SNX27: variants seen among roughly 807,000 people sequenced by gnomAD.
SNX27 encodes the protein sorting nexin 27.
Under a neutral mutation model 71.6 loss-of-function variants are expected in SNX27, and 22 were observed. That is an observed-to-expected ratio of 0.31 (90% CI 0.22 to 0.44). The LOEUF is 0.44. Among genes scored for constraint, SNX27 ranks in the 20% least tolerant of loss-of-function variants. The pLI, the probability that SNX27 is intolerant of heterozygous loss-of-function variation, is 1.00. For synonymous variants in SNX27, 269 were observed against 277.2 expected, an observed-to-expected ratio of 0.97 and a Z score of 0.29; for missense variants, 531 against 698.6, an observed-to-expected ratio of 0.76 and a Z score of 2.70.
rs530533192 is a variant in SNX27 at position 151,698,134 on chromosome 1, A to G, written c.*3717A>G. 3 of 152,466 alleles carry G rather than the reference A, an allele frequency of 2.0e-5. No individual in the cohort carries two copies. Among genetic ancestry groups the G allele is most frequent in the Non-Finnish European group, 4.4e-5 (3 of 68,056 alleles). The allele number at this position is 152,466 out of a possible 1,614,324, so 9.4% of individuals were successfully genotyped here. On this transcript the variant is annotated 3_prime_UTR_variant, in exon 12 of 12. Transcript: ENST00000458013. ...GCTCTCAGGGGGGAATTAGATAAATATTCCAACATCCTCATGCCTGGCCCA... is the reference window on the plus strand; with the variant it reads ...GCTCTCAGGGGGGAATTAGATAAATGTTCCAACATCCTCATGCCTGGCCCA...
At chr1:151,621,353 GAATA>G (rs1667666385) in intron 1 of SNX27, among the ~76,000 whole-genome samples, 1 of 152,190 alleles carries the variant, frequency 6.6e-6, no homozygotes. Context: ...TTGAGTTGCT[GAATA>G]AGGAGTTGTA....
In SNX27 at chr1:151,695,537, AC is replaced by A. The variant is rs1270844551; in HGVS notation, c.*1123del. 6.9e-6 allele frequency: 1 copy of A among 144,516 alleles called. No homozygotes were observed. Among genetic ancestry groups the A allele is most frequent in the African/African-American group, 2.6e-5 (1 of 38,408 alleles). 9.0% of individuals were successfully genotyped at this position (144,516 alleles called of 1,614,324 possible). A position where few individuals can be genotyped will look rare whatever the true frequency, so the allele number is the denominator to read the frequency against. ...TGGGCTCAGGTGATCCTTCCGCCTC[AC>A]CCTCCTGAGTAGCTGGGACTACAGG... On this transcript the variant is annotated 3_prime_UTR_variant, in exon 12 of 12. Coordinates refer to ENST00000458013, the MANE Select transcript of SNX27 (RefSeq NM_001330723.2).
At chr1:151,651,289 CT>C (rs1325899937) in intron 2 of SNX27, among the ~76,000 whole-genome samples, 2 of 151,172 alleles carry the variant, frequency 1.3e-5, no homozygotes, top group African/African-American at 4.9e-5. Context: ...GCTGACCCCC[CT>C]ACCTCCCTCC....
intron 1 of SNX27, among the ~76,000 whole-genome samples, chr1:151,618,669 C>T (rs1201928822): frequency 2.6e-5 from 4 of 152,108 alleles, no homozygotes; most frequent in Non-Finnish European, 4.4e-5. Context: ...TGTAGATAAG[C>T]AAAGAGACTT....
Position 151,625,277 on chromosome 1 carries a change from C to T in SNX27, c.311+12765C>T, listed in dbSNP as rs185585279. Among the ~76,000 whole-genome samples the T allele has an allele frequency of 8.4e-4, 127 of 150,300 alleles. 2 individuals are homozygous for T. The East Asian group carries it at 0.015, about 17-fold the overall frequency. On this transcript the variant is annotated intron_variant, in intron 1 of 11. Transcript: ENST00000458013. ...ATCCCAGTACTTTGGGAGGCCGAAG[C>T]GGCAGATCACTTGAGGTCAGGGGTT...
chr1:151,684,000 G>T (rs1671080878), intron 8 of SNX27, among the ~76,000 whole-genome samples: 1 of 151,908 alleles, frequency 6.6e-6, no homozygotes, highest in African/African-American at 2.4e-5. Flanking sequence ...CTATTTTTTG[G>T]TTAAAAAGTG....
chr1:151,673,181 T>C (rs182250963), intron 7 of SNX27, among the ~76,000 whole-genome samples: 202 of 152,232 alleles, frequency 1.3e-3, no homozygotes, highest in African/African-American at 4.8e-3. Context: ...ATCATTTATT[T>C]CAATAAATTT....
intron 1 of SNX27, among the ~76,000 whole-genome samples, chr1:151,626,277 TG>T (rs1232556382): frequency 0.02 from 2,980 of 150,908 alleles, 102 homozygotes; most frequent in African/African-American, 0.069. Context: ...TTTTTTTTTT[TG>T]TTTTTCCCTA....
Position 151,697,379 on chromosome 1 carries a change from A to T in SNX27, c.*2962A>T, listed in dbSNP as rs995176689. On this transcript the variant is annotated 3_prime_UTR_variant, in exon 12 of 12. Coordinates refer to ENST00000458013, the MANE Select transcript of SNX27 (RefSeq NM_001330723.2). ...AGACATAGGGATTTGGAGGCCCCTT[A>T]GAATGGGTAGATGGTGTTATGTTCC... 1 of 152,400 alleles carries T rather than the reference A, an allele frequency of 6.6e-6. No individual in the cohort carries two copies. The highest frequency in any genetic ancestry group is 2.4e-5 in the African/African-American group (1 of 41,454). 9.4% of individuals were successfully genotyped at this position (152,400 alleles called of 1,614,324 possible). A position where few individuals can be genotyped will look rare whatever the true frequency, so the allele number is the denominator to read the frequency against.
At chr1:151,646,210 C>T (rs12090093) in intron 2 of SNX27, among the ~76,000 whole-genome samples, 3,196 of 152,082 alleles carry the variant, frequency 0.021, 111 homozygotes, top group African/African-American at 0.073. Context: ...TTATTGTTTT[C>T]GTTGCTATAT....
At position 151,692,985 on chromosome 1, in the gene SNX27, C is replaced by A; in HGVS notation, c.1464C>A (p.Phe488Leu). 1 of 1,614,052 alleles carries A rather than the reference C, an allele frequency of 6.2e-7. No homozygotes were observed. Among genetic ancestry groups the A allele is most frequent in the South Asian group, 1.1e-5 (1 of 91,080 alleles). ...ATGAAGAAGGGATGGCCTTCTGTTT[C>A]GAATATGCACGAGGAGAGAAGAAGC... Reference protein sequence around the residue: ...DTDEEGMAFCFEYARGEKKPR... With the variant: ...DTDEEGMAFCLEYARGEKKPR... The change falls in exon 10 of 12, where the codon TTC becomes TTA. Residue 488 changes from phenylalanine to leucine, a missense_variant. Coordinates refer to ENST00000458013, the MANE Select transcript of SNX27 (RefSeq NM_001330723.2).
chr1:151,664,184 A>C (rs1670090676), intron 5 of SNX27, among the ~76,000 whole-genome samples: 1 of 99,788 alleles, frequency 1.0e-5, no homozygotes, highest in African/African-American at 3.7e-5. Context: ...TATACTAAAT[A>C]ATATAATAAT....
intron 2 of SNX27, among the ~76,000 whole-genome samples, chr1:151,647,292 C>T (rs4043656): frequency 0.099 from 15,067 of 151,586 alleles, 786 homozygotes; most frequent in South Asian, 0.13. Flanking sequence ...CTAAACTACA[C>T]GTGTAAGCCA....
chr1:151,673,843 A>G (rs1182598772), intron 7 of SNX27, among the ~76,000 whole-genome samples: 2 of 152,164 alleles, frequency 1.3e-5, no homozygotes, highest in Admixed American at 6.5e-5. Flanking sequence ...TGTCTGATAT[A>G]AGTATAGCTA....
chr1:151,683,097 T>C (rs1671040625), intron 7 of SNX27, among the ~76,000 whole-genome samples: 1 of 152,092 alleles, frequency 6.6e-6, no homozygotes, highest in Non-Finnish European at 1.5e-5. Context: ...GAGACCAGCA[T>C]GGGGAAACCA....
rs1487640435 is a variant in SNX27 at position 151,692,486 on chromosome 1, C to A, written c.1291C>A (p.His431Asn). ...GGGCTACAATGAAATCATCTTTCCCCACTGTGCCTGTGACTCCAGGAGGAA... is the reference window on the plus strand; with the variant it reads ...GGGCTACAATGAAATCATCTTTCCCAACTGTGCCTGTGACTCCAGGAGGAA... Reference protein sequence around the residue: ...CEGYNEIIFPHCACDSRRKGH... With the variant: ...CEGYNEIIFPNCACDSRRKGH... Residue 431 changes from histidine to asparagine, a missense_variant, in exon 9 of 12, where the codon CAC becomes AAC. By Grantham distance (68) the His-to-Asn change is moderately conservative (BLOSUM62 1). Around this residue, in one of 5 missense-constraint regions of SNX27, gnomAD observed 157 missense variants for 178.4 expected, o/e 0.88. Transcript: ENST00000458013. 2 of 1,595,044 alleles carry A rather than the reference C, an allele frequency of 1.3e-6. No homozygotes were observed. The highest frequency in any genetic ancestry group is 2.2e-5 in the South Asian group (2 of 90,656).
At position 151,695,805 on chromosome 1, in the gene SNX27, GGAAA is replaced by G. The variant is rs1671675069; in HGVS notation, c.*1394_*1397del. ...GGCACACAGGTTGGACTTACATAGA[GGAAA>G]GAAAGCAAGAAATGCCCTATGTACA... On this transcript the variant is annotated 3_prime_UTR_variant, in exon 12 of 12. Coordinates refer to ENST00000458013, the MANE Select transcript of SNX27 (RefSeq NM_001330723.2). The G allele has an allele frequency of 6.6e-6, 1 of 152,168 alleles. No homozygotes were observed. The highest frequency in any genetic ancestry group is 1.5e-5 in the Non-Finnish European group (1 of 68,070). The allele number at this position is 152,168 out of a possible 1,614,324, so 9.4% of individuals were successfully genotyped here. A position where few individuals can be genotyped will look rare whatever the true frequency, so the allele number is the denominator to read the frequency against.
chr1:151,635,732 A>G (rs1028583923), intron 1 of SNX27, among the ~76,000 whole-genome samples: 1 of 152,212 alleles, frequency 6.6e-6, no homozygotes, highest in Non-Finnish European at 1.5e-5. Context: ...TAGTTGAACC[A>G]GATAAATATT....
chr1:151,661,119 T>C (rs796184993), intron 4 of SNX27: 2 of 396,824 alleles, frequency 5.0e-6, no homozygotes, highest in African/African-American at 2.0e-5. Flanking sequence ...CCAAAAACTT[T>C]TGCAATTAGT....
Sources: gnomAD v4.1 joint callset for allele counts (sites outside exome capture counted in the v4.1 genomes callset) on GRCh38, gnomAD v4.1.1 for gene constraint, gnomAD v4.1.1 regional missense constraint, MANE v1.5 for transcripts, NCBI Gene and HGNC (gene_info 2026-07-23, HGNC 2026-07-21) for gene names.